SPRED1: variants seen among roughly 807,000 people sequenced by gnomAD.
SPRED1 encodes the protein sprouty-related, EVH1 domain-containing protein 1.
Under a neutral mutation model 52.3 loss-of-function variants are expected in SPRED1, and 18 were observed. The observed-to-expected ratio is 0.34, with a 90% CI of 0.24 to 0.51. The LOEUF is 0.51. Among genes scored for constraint, SPRED1 ranks in the 20% least tolerant of loss-of-function variants. The pLI is 0.97. For synonymous variants in SPRED1, 155 were observed against 179.7 expected (o/e 0.86, Z 1.10); for missense variants, 485 against 551.0 (o/e 0.88, Z 1.20).
chr15:38,348,518 A>G (rs915067768), intron 5 of SPRED1, among the ~76,000 whole-genome samples: 5 of 152,038 alleles, frequency 3.3e-5, no homozygotes, highest in African/African-American at 1.2e-4. Context: ...TGGGTCTGAA[A>G]GGTCTAAGAT....
intron 1 of SPRED1, among the ~76,000 whole-genome samples, chr15:38,269,643 T>G (rs1036734649): frequency 4.6e-5 from 7 of 152,346 alleles, no homozygotes; most frequent in African/African-American, 1.7e-4. Flanking sequence ...CTAAAATTTT[T>G]ACTTCCATTT....
At chr15:38,285,047 T>G (rs574605513) in intron 1 of SPRED1, among the ~76,000 whole-genome samples, 1 of 151,930 alleles carries the variant, frequency 6.6e-6, no homozygotes, top group East Asian at 1.9e-4. Context: ...ACTAGATCTA[T>G]TTTTTTTAAA....
intron 4 of SPRED1, among the ~76,000 whole-genome samples, chr15:38,330,851 G>C (rs559734198): frequency 1.3e-5 from 2 of 151,884 alleles, no homozygotes; most frequent in South Asian, 4.1e-4. Flanking sequence ...TTCTGCATTT[G>C]ACTTATTTAT....
At chr15:38,272,996 G>C (rs1430119440) in intron 1 of SPRED1, among the ~76,000 whole-genome samples, 1 of 152,164 alleles carries the variant, frequency 6.6e-6, no homozygotes, top group Admixed American at 6.5e-5. Flanking sequence ...TTACTCTGTT[G>C]ATAGTTTCCT....
At chr15:38,337,980 C>T (rs1389779243) in intron 4 of SPRED1, among the ~76,000 whole-genome samples, 1 of 143,796 alleles carries the variant, frequency 7.0e-6, no homozygotes, top group Non-Finnish European at 1.5e-5. Flanking sequence ...GCGGGTGGAT[C>T]ACTTGAAGTC....
At chr15:38,343,409 A>C (rs979819396) in intron 5 of SPRED1, among the ~76,000 whole-genome samples, 8 of 152,172 alleles carry the variant, frequency 5.3e-5, no homozygotes, top group Non-Finnish European at 1.2e-4. Flanking sequence ...GAAAGGCACA[A>C]CGGAGACTGT....
intron 1 of SPRED1, among the ~76,000 whole-genome samples, chr15:38,269,207 G>T (rs1489814160): frequency 6.6e-6 from 1 of 152,102 alleles, no homozygotes; most frequent in Admixed American, 6.5e-5. Flanking sequence ...CTCCCAAAGT[G>T]CTGGGATTCC....
chr15:38,268,975 C>A (rs1261329003), intron 1 of SPRED1, among the ~76,000 whole-genome samples: 1 of 150,766 alleles, frequency 6.6e-6, no homozygotes, highest in Non-Finnish European at 1.5e-5. Flanking sequence ...GAGTCCCGCT[C>A]CGTCGCCTAG....
chr15:38,256,202 A>G (rs1894092321), intron 1 of SPRED1, among the ~76,000 whole-genome samples: 3 of 152,156 alleles, frequency 2.0e-5, no homozygotes, highest in South Asian at 2.1e-4. Context: ...CTTTTCAAAA[A>G]TAGTAAACAT....
chr15:38,278,130 T>C (rs1894600172), intron 1 of SPRED1, among the ~76,000 whole-genome samples: 1 of 152,138 alleles, frequency 6.6e-6, no homozygotes, highest in South Asian at 2.1e-4. Flanking sequence ...CTAGCAGTAA[T>C]GAAAACAGAA....
In SPRED1 at chr15:38,351,252, CTG is replaced by C. The variant is rs2141016305; in HGVS notation, c.926_927del (p.Val309GlyfsTer3). ...ACTAAGTTAAGTTCACCCAAAGACT[CTG>C]TGGTATTTAAGACGCAGCCTTCCTC... is the stretch of plus-strand genomic sequence containing the variant. On this transcript the variant is annotated frameshift_variant, in exon 7 of 7. Transcript: ENST00000299084. LOFTEE classifies it high-confidence loss of function. 6.2e-7 allele frequency: 1 copy of C among 1,614,078 alleles called. No individual in the cohort carries two copies. The highest frequency in any genetic ancestry group is 8.5e-7 in the Non-Finnish European group (1 of 1,180,020).
chr15:38,285,887 G>C (rs1425971156), intron 1 of SPRED1, among the ~76,000 whole-genome samples: 1 of 152,118 alleles, frequency 6.6e-6, no homozygotes, highest in East Asian at 1.9e-4. Context: ...GAAATACTAA[G>C]CTTTGCTTCC....
chr15:38,329,176 G>A (rs1294959665), intron 4 of SPRED1, among the ~76,000 whole-genome samples: 1 of 152,156 alleles, frequency 6.6e-6, no homozygotes, highest in African/African-American at 2.4e-5. Flanking sequence ...CAGGCTTGAG[G>A]TTGAAAGAGG....
intron 1 of SPRED1, among the ~76,000 whole-genome samples, chr15:38,268,940 CTTTTTTT>C (rs66775738): frequency 8.2e-6 from 1 of 121,866 alleles, no homozygotes; most frequent in South Asian, 2.7e-4. Context: ...TAACTTTTTT[CTTTTTTT>C]TTTTTTTTTT....
intron 4 of SPRED1, chr15:38,326,310 T>C (rs1895709602): frequency 6.6e-6 from 1 of 152,208 alleles, no homozygotes; most frequent in African/African-American, 2.4e-5. Flanking sequence ...GATTTCTTCT[T>C]ACTGCTTATG....
intron 3 of SPRED1, among the ~76,000 whole-genome samples, chr15:38,323,553 G>T (rs1461725326): frequency 6.6e-6 from 1 of 151,634 alleles, no homozygotes; most frequent in African/African-American, 2.4e-5. Context: ...CTCCAAGAAA[G>T]TTCAAATATG....
At chr15:38,318,478 A>G (rs1895533452) in intron 2 of SPRED1, among the ~76,000 whole-genome samples, 1 of 152,092 alleles carries the variant, frequency 6.6e-6, no homozygotes, top group South Asian at 2.1e-4. Context: ...TTCAAGGGGT[A>G]CATGTGCAGA....
At chr15:38,305,397 C>T (rs1895233469) in intron 2 of SPRED1, among the ~76,000 whole-genome samples, 3 of 146,434 alleles carry the variant, frequency 2.0e-5, no homozygotes, top group African/African-American at 7.6e-5. Context: ...TTCATTCATG[C>T]AATAAATATT....
chr15:38,279,494 G>T (rs1360690554), intron 1 of SPRED1, among the ~76,000 whole-genome samples: 2 of 152,150 alleles, frequency 1.3e-5, no homozygotes, highest in African/African-American at 4.8e-5. Context: ...GTGTGTATGT[G>T]GTTTTGTGCC....
Sources: allele counts gnomAD v4.1 joint callset (sites outside exome capture counted in the v4.1 genomes callset), GRCh38; gene constraint gnomAD v4.1.1; transcripts MANE v1.5; gene names NCBI Gene and HGNC (gene_info 2026-07-23, HGNC 2026-07-21).